Variants in CYRIA observed in about 807,000 individuals in gnomAD.
CYRIA encodes the protein CYFIP-related Rac1 interactor A.
CYRIA carries 15 observed loss-of-function variants against 43.9 expected under a neutral mutation model. The ratio of observed to expected loss-of-function variants is 0.34; its 90% CI spans 0.23 to 0.53. The LOEUF (loss-of-function observed/expected upper bound fraction) is 0.53, where lower values mean the gene tolerates loss of function less well. Among genes scored for constraint, CYRIA ranks in the 20% least tolerant of loss-of-function variants. The probability of loss-of-function intolerance (pLI) is 0.94; values close to 1 mark genes in which losing one functional copy is unlikely to be tolerated. For missense variants in CYRIA, 236 were observed against 394.2 expected (o/e 0.60, Z 3.40); for synonymous variants, 117 against 136.0 (o/e 0.86, Z 0.97).
At chr2:16,604,119 G>A (rs959100219) in intron 2 of CYRIA, among the ~76,000 whole-genome samples, 6 of 152,262 alleles carry the variant, frequency 3.9e-5, no homozygotes, top group African/African-American at 1.2e-4. Flanking sequence ...TTGTTTTATC[G>A]TTAAGTCTGA....
In CYRIA at chr2:16,580,184, G is replaced by T. The variant is rs551193951; in HGVS notation, c.70+7866C>A. On this transcript the variant is annotated intron_variant, in intron 3 of 11. Coordinates refer to ENST00000381323, the MANE Select transcript of CYRIA (RefSeq NM_030797.4). ...ACTGGCCTTGAACTCCTGAGCTCAAGCAATCTGCCAGCCTCAGCCTCCCAA... is the reference window on the plus strand; with the variant it reads ...ACTGGCCTTGAACTCCTGAGCTCAATCAATCTGCCAGCCTCAGCCTCCCAA... Among the ~76,000 whole-genome samples the T allele has an allele frequency of 9.2e-5, 14 of 152,194 alleles. No individual in the cohort carries two copies. The South Asian group carries it at 2.7e-3, about 29-fold the overall frequency.
chr2:16,600,929 T>C (rs1668183983), intron 2 of CYRIA, among the ~76,000 whole-genome samples: 1 of 152,222 alleles, frequency 6.6e-6, no homozygotes, highest in Non-Finnish European at 1.5e-5. Context: ...ATTGAAACTC[T>C]GTGAATCTGA....
At chr2:16,560,672 T>C (rs1046245811) in intron 9 of CYRIA, 12 of 370,354 alleles carry the variant, frequency 3.2e-5, no homozygotes, top group East Asian at 3.2e-4. Flanking sequence ...TTTATCATGA[T>C]GTCCCATCAT....
chr2:16,601,154 CAGG>C (rs1668192270), intron 2 of CYRIA, among the ~76,000 whole-genome samples: 1 of 152,084 alleles, frequency 6.6e-6, no homozygotes, highest in Non-Finnish European at 1.5e-5. Flanking sequence ...ATAGCATGTA[CAGG>C]AAGGGAGGTG....
intron 2 of CYRIA, among the ~76,000 whole-genome samples, chr2:16,600,242 C>T (rs58842700): frequency 0.083 from 12,660 of 152,250 alleles, 593 homozygotes; most frequent in Middle Eastern, 0.13. Flanking sequence ...AATCTGAAGT[C>T]GGGGACTTGG....
At chr2:16,581,837 T>C (rs1667561296) in intron 3 of CYRIA, among the ~76,000 whole-genome samples, 2 of 152,122 alleles carry the variant, frequency 1.3e-5, no homozygotes, top group Admixed American at 6.5e-5. Flanking sequence ...CGAATTGTCA[T>C]ACAACAGAAG....
chr2:16,649,831 G>A lies in CYRIA; in HGVS notation c.-167+15949C>T, dbSNP rs1669925396. Among the ~76,000 whole-genome samples the A allele has an allele frequency of 2.0e-5, 3 of 152,196 alleles. No homozygotes were observed. The South Asian group carries it at 6.2e-4, about 31-fold the overall frequency. On this transcript the variant is annotated intron_variant, in intron 1 of 11. Transcript: ENST00000381323. ...ACGGTTGTACAGTACCATCCTGCTG[G>A]TTGCCAGATGACTTGGATGTACCAC... is the stretch of plus-strand genomic sequence containing the variant.
chr2:16,659,477 A>G (rs1670193345), intron 1 of CYRIA, among the ~76,000 whole-genome samples: 1 of 152,262 alleles, frequency 6.6e-6, no homozygotes, highest in Non-Finnish European at 1.5e-5. Context: ...AATACCCTAC[A>G]TGGCTCAGTA....
At chr2:16,563,909 C>A in intron 5 of CYRIA, 80 bp downstream of exon 5, 1 of 972,134 alleles carries the variant, frequency 1.0e-6, no homozygotes, top group Non-Finnish European at 1.6e-6. Context: ...TTCCAATATG[C>A]CACGCTGTTC....
At chr2:16,555,164 G>A in intron 10 of CYRIA, 25 bp from the exon 11 acceptor site, 2 of 1,597,570 alleles carry the variant, frequency 1.3e-6, no homozygotes, top group East Asian at 2.2e-5. Context: ...CACAATGTTT[G>A]TTAATATCTT....
chr2:16,608,648 CCT>C (rs1296956163), intron 2 of CYRIA, among the ~76,000 whole-genome samples: 1 of 148,564 alleles, frequency 6.7e-6, no homozygotes, highest in Non-Finnish European at 1.5e-5. Flanking sequence ...CAAAATATTC[CCT>C]TTTTAGTATT....
At chr2:16,559,118 A>G (rs566024060) in intron 10 of CYRIA, among the ~76,000 whole-genome samples, 2 of 152,292 alleles carry the variant, frequency 1.3e-5, no homozygotes, top group South Asian at 4.1e-4. Context: ...CCAACTCTTC[A>G]CAATAGGACA....
intron 11 of CYRIA, among the ~76,000 whole-genome samples, chr2:16,553,300 C>T (rs925097296): frequency 5.3e-5 from 8 of 152,088 alleles, no homozygotes; most frequent in African/African-American, 1.9e-4. Context: ...GAATCCTGAC[C>T]ACTGAGGCTG....
intron 2 of CYRIA, among the ~76,000 whole-genome samples, chr2:16,617,206 G>A (rs1229323852): frequency 6.6e-6 from 1 of 152,164 alleles, no homozygotes; most frequent in Non-Finnish European, 1.5e-5. Context: ...GAGAAATGAG[G>A]CCCTAAGAGG....
intron 1 of CYRIA, among the ~76,000 whole-genome samples, chr2:16,637,012 C>A (rs999125700): frequency 3.3e-5 from 5 of 152,104 alleles, no homozygotes; most frequent in Non-Finnish European, 7.4e-5. Flanking sequence ...TCCAAAACCC[C>A]CACACACCAG....
chr2:16,557,174 T>C (rs1271592696), intron 10 of CYRIA, among the ~76,000 whole-genome samples: 2 of 152,210 alleles, frequency 1.3e-5, no homozygotes, highest in Non-Finnish European at 2.9e-5. Context: ...CTTTAATAAA[T>C]GGCTTGTGCC....
At chr2:16,616,306 T>C (rs1668789036) in intron 2 of CYRIA, among the ~76,000 whole-genome samples, 1 of 152,202 alleles carries the variant, frequency 6.6e-6, no homozygotes, top group Admixed American at 6.5e-5. Flanking sequence ...CTGCTCACAC[T>C]AGCACCAAAA....
chr2:16,640,652 C>T (rs771812825), intron 1 of CYRIA, among the ~76,000 whole-genome samples: 10 of 152,288 alleles, frequency 6.6e-5, no homozygotes, highest in Admixed American at 1.3e-4. Context: ...CTCAAAATTA[C>T]TGGTGATGCT....
intron 3 of CYRIA, among the ~76,000 whole-genome samples, chr2:16,571,628 T>G (rs1667129587): frequency 1.3e-5 from 2 of 152,248 alleles, no homozygotes; most frequent in African/African-American, 4.8e-5. Flanking sequence ...AAAACACCAT[T>G]TACATAGAGA....
Sources: allele counts gnomAD v4.1 joint callset (sites outside exome capture counted in the v4.1 genomes callset), GRCh38; gene constraint gnomAD v4.1.1; transcripts MANE v1.5; gene names NCBI Gene and HGNC (gene_info 2026-07-23, HGNC 2026-07-21).